The following BCL11B variants were observed in gnomAD, a reference collection of about 807,000 sequenced individuals.
BCL11B encodes the protein B-cell lymphoma/leukemia 11B.
In BCL11B, 8 loss-of-function variants were observed where a neutral mutation model predicts 49.9. The ratio of observed to expected loss-of-function variants is 0.16; its 90% confidence interval spans 0.09 to 0.29. BCL11B has a LOEUF of 0.29. BCL11B is among the 10% of genes least tolerant of loss of function. BCL11B has a pLI of 1.00. For missense variants in BCL11B, 1,006 were observed against 1,351.0 expected (o/e 0.74, Z 4.00); for synonymous variants, 739 against 637.4 (o/e 1.16, Z -2.40).
At chr14:99,267,233 G>A (rs566591331) in intron 1 of BCL11B, among the ~76,000 whole-genome samples, 1 of 151,618 alleles carries the variant, frequency 6.6e-6, no homozygotes, top group East Asian at 1.9e-4. Flanking sequence ...ACAAAAAATC[G>A]CCAAGGCCAA....
chr14:99,240,893 A>G (rs1888649799), intron 2 of BCL11B, among the ~76,000 whole-genome samples: 1 of 152,224 alleles, frequency 6.6e-6, no homozygotes, highest in Admixed American at 6.5e-5. Context: ...TGAGGTTTAT[A>G]CCGCTATTTA....
chr14:99,215,170 G>A (rs892178686), intron 3 of BCL11B, among the ~76,000 whole-genome samples: 3 of 124,382 alleles, frequency 2.4e-5, no homozygotes, highest in East Asian at 5.1e-4. Flanking sequence ...CCCCTGCTCC[G>A]GCCAAGGGAG....
intron 2 of BCL11B, among the ~76,000 whole-genome samples, chr14:99,253,494 C>T (rs1488161714): frequency 6.6e-6 from 1 of 152,146 alleles, no homozygotes; most frequent in African/African-American, 2.4e-5. Context: ...TTGCAGCACA[C>T]CTACCCCCAC....
chr14:99,267,636 C>T (rs1889526575), intron 1 of BCL11B, among the ~76,000 whole-genome samples: 1 of 151,826 alleles, frequency 6.6e-6, no homozygotes, highest in Admixed American at 6.6e-5. Context: ...ATGTGGACCA[C>T]TGGAGATATA....
chr14:99,212,929 TTGCTTTGATTTCC>T (rs1309851286), intron 3 of BCL11B, among the ~76,000 whole-genome samples: 2 of 152,204 alleles, frequency 1.3e-5, no homozygotes, highest in African/African-American at 4.8e-5. Flanking sequence ...CAGTGATACT[TTGCTTTGATTTCC>T]TGCTTTGGTT....
At chr14:99,185,207 TGGGCGG>T (rs1202857424) in intron 3 of BCL11B, among the ~76,000 whole-genome samples, 1 of 151,940 alleles carries the variant, frequency 6.6e-6, no homozygotes, top group East Asian at 1.9e-4. Context: ...TAGGCCAAGG[TGGGCGG>T]ATCACCTGAG....
At chr14:99,237,953 C>G (rs1280894601) in intron 2 of BCL11B, among the ~76,000 whole-genome samples, 1 of 152,070 alleles carries the variant, frequency 6.6e-6, no homozygotes, top group Non-Finnish European at 1.5e-5. Context: ...GGTGGGTTCA[C>G]CAGGGGCCTC....
chr14:99,169,870 T>TG lies in BCL11B; in HGVS notation c.*4280dup, dbSNP rs1473447977. The TG allele has an allele frequency of 4.4e-6, 1 of 228,784 alleles. No homozygotes were observed. The highest frequency in any genetic ancestry group is 8.7e-6 in the Non-Finnish European group (1 of 114,984). 14.2% of individuals were successfully genotyped at this position (228,784 alleles called of 1,614,324 possible). On this transcript the variant is annotated 3_prime_UTR_variant, in exon 4 of 4. Transcript: ENST00000357195. ...TCTCTCCCCATGAAAGACCCTCTAA[T>TG]GCCAAGTGGCAGGTTCCAATTGGGG...
Position 99,268,405 on chromosome 14 carries a change from C to T in BCL11B, c.58+2756G>A, listed in dbSNP as rs973335049. Among the ~76,000 whole-genome samples, 3 of 152,104 alleles carry T rather than the reference C, an allele frequency of 2.0e-5. No individual in the cohort carries two copies. In the East Asian group the frequency reaches 5.8e-4, roughly 29 times the overall value. ...ACCTGAGGTTGCTGCCCCACAGGCC[C>T]AGGAGCTGCCACCCAACTGATAAAG... On this transcript the variant is annotated intron_variant, in intron 1 of 3. Coordinates refer to ENST00000357195, the MANE Select transcript of BCL11B (RefSeq NM_138576.4).
At chr14:99,219,162 C>T (rs921047458) in intron 3 of BCL11B, among the ~76,000 whole-genome samples, 5 of 152,044 alleles carry the variant, frequency 3.3e-5, no homozygotes, top group African/African-American at 1.2e-4. Context: ...CCTGCCTCCA[C>T]CTCCCCAGTA....
chr14:99,182,511 G>A (rs1336703567), intron 3 of BCL11B, among the ~76,000 whole-genome samples: 2 of 152,196 alleles, frequency 1.3e-5, no homozygotes, highest in Non-Finnish European at 2.9e-5. Context: ...GTCAAGATGT[G>A]TTGCTTTTGG....
At chr14:99,265,985 A>AT (rs1221874369) in intron 1 of BCL11B, among the ~76,000 whole-genome samples, 1 of 152,212 alleles carries the variant, frequency 6.6e-6, no homozygotes, top group Non-Finnish European at 1.5e-5. Flanking sequence ...AAGCACATAT[A>AT]TTCCCCATCA....
chr14:99,257,580 G>A lies in BCL11B; in HGVS notation c.318C>T (p.Leu106=). 6.2e-7 allele frequency: 1 copy of A among 1,614,156 alleles called. No individual in the cohort carries two copies. Among genetic ancestry groups the A allele is most frequent in the Non-Finnish European group, 8.5e-7 (1 of 1,180,016 alleles). The change falls in exon 2 of 4, where the codon CTC becomes CTT. Residue 106 remains leucine, a synonymous_variant. Coordinates refer to ENST00000357195, the MANE Select transcript of BCL11B (RefSeq NM_138576.4). This position sits in a 1 kb window ranked among gnomAD's most constrained non-coding sequence, Gnocchi z 6.2. The part of the protein sequence containing the change: ...DSPPPSSRSE[L]RKVSEPVEIG... ...TCTCCACCGGCTCGGACACTTTCCT[G>A]AGCTCGGAGCGTGAGGAGGGTGGCG...
At chr14:99,261,190 G>C (rs763202192) in intron 1 of BCL11B, among the ~76,000 whole-genome samples, 10 of 152,128 alleles carry the variant, frequency 6.6e-5, no homozygotes, top group Non-Finnish European at 1.2e-4. Flanking sequence ...CCAAATTTCT[G>C]GGTCAGAGTA....
rs1002102314 is a variant in BCL11B, at chr14:99,170,575, GA to G, written c.*3575del. 85 of 228,042 alleles carry G rather than the reference GA, an allele frequency of 3.7e-4. No individual in the cohort carries two copies. The highest frequency in any genetic ancestry group is 5.8e-4 in the Non-Finnish European group (67 of 115,328). 14.1% of individuals were successfully genotyped at this position (228,042 alleles called of 1,614,324 possible). ...AAAAGAAATTAAATAAAAAATGAAA[GA>G]AAAAAAAAGGACCAATGGAGGATGA... On this transcript the variant is annotated 3_prime_UTR_variant, in exon 4 of 4. Coordinates refer to ENST00000357195, the MANE Select transcript of BCL11B (RefSeq NM_138576.4).
chr14:99,269,641 G>A (rs1889595079), intron 1 of BCL11B, among the ~76,000 whole-genome samples: 1 of 151,792 alleles, frequency 6.6e-6, no homozygotes, highest in African/African-American at 2.4e-5. Context: ...TTTCAGGGGA[G>A]GGGAGAACCA....
At chr14:99,182,288 G>C (rs1886727818) in intron 3 of BCL11B, among the ~76,000 whole-genome samples, 1 of 152,190 alleles carries the variant, frequency 6.6e-6, no homozygotes, top group African/African-American at 2.4e-5. Context: ...CCGTCATGAT[G>C]ACCATTTTAC....
At position 99,175,097 on chromosome 14, in the gene BCL11B, C is replaced by T. The variant is rs1268046660; in HGVS notation, c.1739G>A (p.Gly580Glu). ...AGCCAGCGCCTTGGCCGCGCCGCCC[C>T]CCGCGCCCGGGACCCCGGGCACCCC... is the stretch of plus-strand genomic sequence containing the variant. ...GGGVPGVPGA[G>E]GGAAKALADE... Residue 580 changes from glycine to glutamate, a missense_variant, in exon 4 of 4, where the codon GGG becomes GAG. By Grantham distance (98) the Gly-to-Glu change is moderately conservative. Transcript: ENST00000357195. 1 of 1,599,392 alleles carries T rather than the reference C, an allele frequency of 6.3e-7. No homozygotes were observed. Among genetic ancestry groups the T allele is most frequent in the East Asian group, 2.2e-5 (1 of 44,540 alleles).
intron 3 of BCL11B, among the ~76,000 whole-genome samples, chr14:99,177,164 C>T (rs1308029189): frequency 2.6e-5 from 4 of 152,138 alleles, no homozygotes; most frequent in Admixed American, 1.3e-4. Flanking sequence ...CTCCAGACCC[C>T]AGGGAAGGCG....
Sources: gnomAD v4.1 joint callset for allele counts (sites outside exome capture counted in the v4.1 genomes callset) on GRCh38, gnomAD v4.1.1 for gene constraint, Gnocchi (gnomAD v3.1) non-coding constraint, MANE v1.5 for transcripts, NCBI Gene and HGNC (gene_info 2026-07-23, HGNC 2026-07-21) for gene names.